The following SH3KBP1 variants were observed in gnomAD, a reference collection of about 807,000 sequenced individuals.
SH3KBP1 encodes SH3 domain containing kinase binding protein 1, also known as SH3 domain-containing kinase-binding protein 1.
SH3KBP1 carries 8 observed loss-of-function variants against 50.1 expected under a neutral mutation model. That is an observed-to-expected ratio of 0.16 (90% CI 0.09 to 0.29). The LOEUF (loss-of-function observed/expected upper bound fraction) is 0.29, where lower values mean the gene tolerates loss of function less well. Among genes scored for constraint, SH3KBP1 ranks in the 10% least tolerant of loss-of-function variants. The pLI is 1.00. For missense variants in SH3KBP1, 377 were observed against 535.2 expected (o/e 0.70, Z 2.92); for synonymous variants, 227 against 218.6 (o/e 1.04, Z -0.34).
rs146001600 is a variant in SH3KBP1 at position 19,647,901 on chromosome X, C to T, written c.727-2426G>A. 495 of 317,429 alleles carry T rather than the reference C, an allele frequency of 1.6e-3. 1 individual carries two copies. The highest frequency in any genetic ancestry group is 0.012 in the African/African-American group (457 of 37,197). The allele number at this position is 317,429 out of a possible 1,213,427, so 26.2% of individuals were successfully genotyped here. On this transcript the variant is annotated intron_variant, in intron 6 of 17. Coordinates refer to ENST00000397821, the MANE Select transcript of SH3KBP1 (RefSeq NM_031892.3). Reference sequence around the variant, plus strand: ...CAGCAGTCTCTAGGAACACACCCTCCGTGGGATTCTGATGCATGCTCACAT... The same window carrying T: ...CAGCAGTCTCTAGGAACACACCCTCTGTGGGATTCTGATGCATGCTCACAT...
intron 8 of SH3KBP1, 128 bp downstream of exon 8, chrX:19,631,736 A>G (rs1268142662): frequency 5.0e-6 from 2 of 397,452 alleles, no homozygotes; most frequent in African/African-American, 2.5e-5. Flanking sequence ...GAAAGATACA[A>G]GATTCTTCCT....
chrX:19,605,259 C>T (rs548803238), intron 9 of SH3KBP1, among the ~76,000 whole-genome samples: 14 of 111,428 alleles, frequency 1.3e-4, no homozygotes, highest in African/African-American at 4.2e-4. Context: ...CAAAACCCTA[C>T]TGCCCATCAC....
At chrX:19,604,414 C>A (rs1320820844) in intron 9 of SH3KBP1, among the ~76,000 whole-genome samples, 1 of 111,845 alleles carries the variant, frequency 8.9e-6, no homozygotes, top group Non-Finnish European at 1.9e-5. Context: ...TGAATTCACA[C>A]CCCAGCAGAA....
intron 2 of SH3KBP1, among the ~76,000 whole-genome samples, chrX:19,818,076 TGTATAA>T (rs1172541568): frequency 8.9e-6 from 1 of 112,475 alleles, no homozygotes; most frequent in Non-Finnish European, 1.9e-5. Context: ...CACCTACGTT[TGTATAA>T]GTATACTACT....
Position 19,644,713 on chromosome X carries a change from C to T in SH3KBP1, c.802+687G>A, listed in dbSNP as rs774138051. Among the ~76,000 whole-genome samples, 5 of 110,906 alleles carry T rather than the reference C, an allele frequency of 4.5e-5. No individual in the cohort carries two copies. The South Asian group carries it at 1.5e-3, about 33-fold the overall frequency. ...ATAATTTTACGTAGATAACATGTGG[C>T]GATAATATTTGGATATATTGAGTTA... On this transcript the variant is annotated intron_variant, in intron 7 of 17. Transcript: ENST00000397821.
chrX:19,785,629 G>A (rs1006578377), intron 2 of SH3KBP1, among the ~76,000 whole-genome samples: 1 of 111,876 alleles, frequency 8.9e-6, no homozygotes, highest in Admixed American at 9.5e-5. Context: ...ATTATTATGA[G>A]CCATAAAACC....
chrX:19,794,705 AAAAT>A (rs1446072308), intron 2 of SH3KBP1, among the ~76,000 whole-genome samples: 5 of 111,675 alleles, frequency 4.5e-5, no homozygotes, highest in Admixed American at 1.9e-4. Flanking sequence ...TCTATCTCAA[AAAAT>A]AAATAAAATA....
intron 10 of SH3KBP1, among the ~76,000 whole-genome samples, 200 bp downstream of exon 10, chrX:19,594,749 C>A (rs1432460041): frequency 1.8e-5 from 2 of 111,314 alleles, no homozygotes; most frequent in Admixed American, 9.6e-5. Context: ...ATATCAGGGT[C>A]ACATTTTAAT....
At chrX:19,654,248 T>C (rs2062213697) in intron 6 of SH3KBP1, among the ~76,000 whole-genome samples, 1 of 111,597 alleles carries the variant, frequency 9.0e-6, no homozygotes, top group South Asian at 3.8e-4. Flanking sequence ...CTAGAGACCA[T>C]GTTCTAAAAA....
chrX:19,860,786 C>A (rs1037503674), intron 1 of SH3KBP1, among the ~76,000 whole-genome samples: 4 of 111,427 alleles, frequency 3.6e-5, no homozygotes, highest in African/African-American at 1.3e-4. Flanking sequence ...AAATGCAACA[C>A]GGATTCTGAA....
At chrX:19,721,263 A>C (rs2064051698) in intron 3 of SH3KBP1, among the ~76,000 whole-genome samples, 1 of 111,596 alleles carries the variant, frequency 9.0e-6, no homozygotes, top group South Asian at 3.7e-4. Context: ...GTCTAAACTT[A>C]CATGGGAAGA....
At chrX:19,729,920 T>C (rs985364856) in intron 3 of SH3KBP1, among the ~76,000 whole-genome samples, 1 of 111,982 alleles carries the variant, frequency 8.9e-6, no homozygotes, top group Non-Finnish European at 1.9e-5. Context: ...ACGTATGAAA[T>C]AGAAACAGGA....
chrX:19,805,276 G>A (rs937363141), intron 2 of SH3KBP1, among the ~76,000 whole-genome samples: 2 of 111,026 alleles, frequency 1.8e-5, no homozygotes, highest in African/African-American at 6.6e-5. Context: ...GCTGCCAGTC[G>A]AAATCAGCTC....
chrX:19,870,036 G>A (rs755576874), intron 1 of SH3KBP1, among the ~76,000 whole-genome samples: 2 of 112,225 alleles, frequency 1.8e-5, no homozygotes, highest in South Asian at 7.3e-4. Context: ...GTATACAGTG[G>A]CATGTTCAAA....
chrX:19,634,152 G>C (rs2061649003), intron 7 of SH3KBP1, among the ~76,000 whole-genome samples: 1 of 106,325 alleles, frequency 9.4e-6, no homozygotes, highest in African/African-American at 3.4e-5. Context: ...GAGAGACACA[G>C]AGAGAGAGAG....
intron 12 of SH3KBP1, among the ~76,000 whole-genome samples, chrX:19,576,957 C>T (rs1012168811): frequency 6.2e-5 from 7 of 112,009 alleles, no homozygotes; most frequent in African/African-American, 1.3e-4. Flanking sequence ...CCATCTCAGC[C>T]CAACATGGGA....
intron 1 of SH3KBP1, among the ~76,000 whole-genome samples, chrX:19,847,657 A>C (rs2068399933): frequency 8.9e-6 from 1 of 112,238 alleles, no homozygotes; most frequent in Non-Finnish European, 1.9e-5. Flanking sequence ...GGTGCATTTC[A>C]CGGTTTCATC....
intron 1 of SH3KBP1, among the ~76,000 whole-genome samples, chrX:19,838,779 C>A (rs2147441968): frequency 9.3e-6 from 1 of 107,161 alleles, no homozygotes. Context: ...CCCAGCTACT[C>A]TGGAGGCTGA....
At chrX:19,869,002 G>A (rs183826817) in intron 1 of SH3KBP1, among the ~76,000 whole-genome samples, 2 of 110,560 alleles carry the variant, frequency 1.8e-5, no homozygotes, top group African/African-American at 6.6e-5. Flanking sequence ...GTAATCACAC[G>A]GATCTTTAAA....
Sources: gnomAD v4.1 joint callset for allele counts (sites outside exome capture counted in the v4.1 genomes callset) on GRCh38, gnomAD v4.1.1 for gene constraint, MANE v1.5 for transcripts, NCBI Gene and HGNC (gene_info 2026-07-23, HGNC 2026-07-21) for gene names.